SEMA3C: variants seen among roughly 807,000 people sequenced by gnomAD.
The protein encoded by SEMA3C is semaphorin-3C.
SEMA3C carries 47 observed loss-of-function variants against 89.4 expected under a neutral mutation model. That is an observed-to-expected ratio of 0.53 (90% confidence interval 0.42 to 0.67). The LOEUF is 0.67. Ranked by LOEUF, SEMA3C falls within the 30% of genes least tolerant of loss-of-function variation. The pLI, the probability that SEMA3C is intolerant of heterozygous loss-of-function variation, is 0.00. For synonymous variants in SEMA3C, 310 were observed against 320.2 expected (o/e 0.97, Z 0.34); for missense variants, 839 against 929.1 (o/e 0.90, Z 1.26).
intron 2 of SEMA3C, among the ~76,000 whole-genome samples, chr7:80,837,339 G>T (rs1362936089): frequency 6.6e-6 from 1 of 152,152 alleles, no homozygotes; most frequent in Non-Finnish European, 1.5e-5. Flanking sequence ...ACTAAAAACA[G>T]AATACTATAA....
intron 2 of SEMA3C, among the ~76,000 whole-genome samples, chr7:80,839,147 A>C (rs979304097): frequency 2.0e-5 from 3 of 152,140 alleles, no homozygotes; most frequent in African/African-American, 7.2e-5. Flanking sequence ...CTTACTTCTA[A>C]AAAGTAGAAT....
intron 12 of SEMA3C, 40 bp downstream of exon 12, chr7:80,789,266 T>C (rs754003573): frequency 6.6e-7 from 1 of 1,515,992 alleles, no homozygotes; most frequent in Non-Finnish European, 9.1e-7. Context: ...GTACATTCTT[T>C]TACTACACAT....
intron 11 of SEMA3C, 66 bp from the exon 12 acceptor site, chr7:80,789,594 A>T: frequency 4.4e-6 from 5 of 1,148,612 alleles, no homozygotes; most frequent in South Asian, 1.7e-5. Context: ...ATAATCAAAA[A>T]CTCTCTACTT....
intron 2 of SEMA3C, among the ~76,000 whole-genome samples, chr7:80,845,223 G>A (rs1490311285): frequency 6.6e-6 from 1 of 152,044 alleles, no homozygotes; most frequent in Non-Finnish European, 1.5e-5. Context: ...AAACTGACAG[G>A]AAATTTGGAA....
At chr7:80,840,781 A>G (rs1249973650) in intron 2 of SEMA3C, among the ~76,000 whole-genome samples, 3 of 152,270 alleles carry the variant, frequency 2.0e-5, no homozygotes, top group South Asian at 4.1e-4. Context: ...TTCAATAAAT[A>G]TTAACTAAGC....
At chr7:80,909,010 G>C (rs1278787057) in intron 2 of SEMA3C, among the ~76,000 whole-genome samples, 1 of 152,070 alleles carries the variant, frequency 6.6e-6, no homozygotes, top group Non-Finnish European at 1.5e-5. Flanking sequence ...ATATACAAGA[G>C]AGTATACACT....
At chr7:80,813,728 T>C (rs187218118) in intron 5 of SEMA3C, among the ~76,000 whole-genome samples, 3 of 152,292 alleles carry the variant, frequency 2.0e-5, no homozygotes, top group East Asian at 1.9e-4. Flanking sequence ...GGAGGCTTTA[T>C]GCCATTATTT....
intron 15 of SEMA3C, among the ~76,000 whole-genome samples, chr7:80,754,262 C>T (rs1046019801): frequency 1.9e-4 from 29 of 152,074 alleles, no homozygotes; most frequent in African/African-American, 6.0e-4. Flanking sequence ...TTTTTAAAAA[C>T]GGAGACTATT....
chr7:80,878,438 T>G (rs1791251118), intron 2 of SEMA3C, among the ~76,000 whole-genome samples: 1 of 152,050 alleles, frequency 6.6e-6, no homozygotes, highest in Non-Finnish European at 1.5e-5. Context: ...AGACTGACAC[T>G]GGGACACTGA....
chr7:80,826,231 G>A (rs557378895), intron 4 of SEMA3C, among the ~76,000 whole-genome samples: 11 of 151,968 alleles, frequency 7.2e-5, no homozygotes, highest in African/African-American at 2.2e-4. Flanking sequence ...TCCCATGTTC[G>A]GTCTTGTCTG....
At chr7:80,804,049 A>T (rs1345184346) in intron 8 of SEMA3C, 57 bp downstream of exon 8, 1 of 1,481,756 alleles carries the variant, frequency 6.7e-7, no homozygotes, top group Non-Finnish European at 9.1e-7. Context: ...GCACGGAGAT[A>T]AACCATAATT....
intron 2 of SEMA3C, among the ~76,000 whole-genome samples, chr7:80,851,195 A>G (rs1199970361): frequency 6.6e-6 from 1 of 152,012 alleles, no homozygotes; most frequent in East Asian, 1.9e-4. Flanking sequence ...CACATCTGCA[A>G]AGTCAATTTT....
chr7:80,755,657 G>A (rs925679828), intron 15 of SEMA3C, among the ~76,000 whole-genome samples: 3 of 151,888 alleles, frequency 2.0e-5, no homozygotes, highest in East Asian at 1.9e-4. Flanking sequence ...AGGTGTTAGA[G>A]AGGCAAATTT....
chr7:80,769,411 A>T (rs1019903637), intron 12 of SEMA3C, among the ~76,000 whole-genome samples: 1 of 152,224 alleles, frequency 6.6e-6, no homozygotes, highest in African/African-American at 2.4e-5. Context: ...CTCAAATGAG[A>T]CAACTGACTC....
At chr7:80,896,088 CATG>C (rs1487288225) in intron 2 of SEMA3C, among the ~76,000 whole-genome samples, 2 of 152,022 alleles carry the variant, frequency 1.3e-5, no homozygotes, top group East Asian at 1.9e-4. Context: ...GTAGTCTAAG[CATG>C]ATATTAATAT....
At chr7:80,768,779 G>A (rs996437726) in intron 12 of SEMA3C, among the ~76,000 whole-genome samples, 1 of 146,926 alleles carries the variant, frequency 6.8e-6, no homozygotes, top group Non-Finnish European at 1.5e-5. Flanking sequence ...GATAGCTAGG[G>A]CAAGATTTGT....
At chr7:80,917,595 T>C (rs1002865588) in intron 1 of SEMA3C, among the ~76,000 whole-genome samples, 1 of 152,160 alleles carries the variant, frequency 6.6e-6, no homozygotes, top group African/African-American at 2.4e-5. Context: ...AAACTATAGA[T>C]ATAAAATTGG....
chr7:80,856,454 T>G (rs191430438), intron 2 of SEMA3C, among the ~76,000 whole-genome samples: 133 of 147,006 alleles, frequency 9.0e-4, no homozygotes, highest in Admixed American at 6.0e-3. Flanking sequence ...AGGCTGGCAC[T>G]GCCATGCAGC....
chr7:80,865,298 T>G (rs1583957348), intron 2 of SEMA3C, among the ~76,000 whole-genome samples: 1 of 152,250 alleles, frequency 6.6e-6, no homozygotes, highest in African/African-American at 2.4e-5. Context: ...CCTATGTATA[T>G]TAAATATACA....
Sources: allele counts gnomAD v4.1 joint callset (sites outside exome capture counted in the v4.1 genomes callset), GRCh38; gene constraint gnomAD v4.1.1; transcripts MANE v1.5; gene names NCBI Gene and HGNC (gene_info 2026-07-23, HGNC 2026-07-21).